KIAA2012: variants seen among roughly 807,000 people sequenced by gnomAD.
KIAA2012 encodes KIAA2012, also known as uncharacterized protein KIAA2012.
A neutral mutation model predicts 150.6 loss-of-function variants in KIAA2012; 125 were observed. The observed-to-expected ratio is 0.83, with a 90% CI of 0.72 to 0.96. The LOEUF is 0.96. KIAA2012 is among the 40% of genes least tolerant of loss of function. The probability of loss-of-function intolerance (pLI) is 0.00; values close to 1 mark genes in which losing one functional copy is unlikely to be tolerated. For missense variants in KIAA2012, 1,219 were observed against 1,354.9 expected, an observed-to-expected ratio of 0.90 and a Z score of 1.57; for synonymous variants, 462 against 504.7, an observed-to-expected ratio of 0.92 and a Z score of 1.13.
chr2:202,117,202 A>C (rs1690549590), intron 11 of KIAA2012: 1 of 152,238 alleles, frequency 6.6e-6, no homozygotes. Context: ...TTTATTTTGC[A>C]GTAATAGATA....
intron 4 of KIAA2012, among the ~76,000 whole-genome samples, chr2:202,094,139 T>C (rs951112373): frequency 6.6e-6 from 1 of 152,128 alleles, no homozygotes; most frequent in Admixed American, 6.5e-5. Flanking sequence ...AAATTTTAGC[T>C]GGGCGTGGTG....
intron 21 of KIAA2012, among the ~76,000 whole-genome samples, chr2:202,195,806 A>G (rs1410884439): frequency 6.6e-6 from 1 of 152,162 alleles, no homozygotes; most frequent in Non-Finnish European, 1.5e-5. Flanking sequence ...GGCTTATTTC[A>G]CTTAATGTAA....
intron 21 of KIAA2012, among the ~76,000 whole-genome samples, chr2:202,195,513 C>T (rs746049891): frequency 6.0e-5 from 9 of 151,230 alleles, no homozygotes; most frequent in Admixed American, 1.3e-4. Flanking sequence ...AAGAGCAAGA[C>T]TCTGTCTAAA....
intron 15 of KIAA2012, among the ~76,000 whole-genome samples, chr2:202,173,053 G>A (rs1328057457): frequency 6.6e-6 from 1 of 152,230 alleles, no homozygotes. Flanking sequence ...AGAGGAGGAA[G>A]TAGGAAGTGG....
intron 15 of KIAA2012, among the ~76,000 whole-genome samples, chr2:202,183,007 G>A (rs1187281590): frequency 6.6e-6 from 1 of 152,214 alleles, no homozygotes; most frequent in East Asian, 1.9e-4. Flanking sequence ...CCAATATGAA[G>A]TCTTGGTCTG....
At chr2:202,133,466 G>C (rs756734184) in intron 12 of KIAA2012, among the ~76,000 whole-genome samples, 2 of 152,044 alleles carry the variant, frequency 1.3e-5, no homozygotes, top group Non-Finnish European at 2.9e-5. Flanking sequence ...CTAGACCCTT[G>C]AGACTTAGCT....
intron 2 of KIAA2012, among the ~76,000 whole-genome samples, chr2:202,078,380 C>T (rs923934578): frequency 6.6e-6 from 1 of 152,206 alleles, no homozygotes; most frequent in African/African-American, 2.4e-5. Flanking sequence ...CCTCAAACTC[C>T]TGGGCTCAAG....
intron 13 of KIAA2012, among the ~76,000 whole-genome samples, chr2:202,151,500 CA>C (rs201603927): frequency 0.042 from 6,418 of 152,104 alleles, 482 homozygotes; most frequent in African/African-American, 0.15. Flanking sequence ...GGGCTGGCTC[CA>C]GCTTGTCATC....
chr2:202,098,745 AT>A (rs1284667249), intron 5 of KIAA2012, among the ~76,000 whole-genome samples: 1 of 151,804 alleles, frequency 6.6e-6, no homozygotes, highest in East Asian at 1.9e-4. Flanking sequence ...TACTGTGAGA[AT>A]TAAATGAGTT....
At chr2:202,129,221 A>G (rs907122287) in intron 12 of KIAA2012, among the ~76,000 whole-genome samples, 1 of 144,552 alleles carries the variant, frequency 6.9e-6, no homozygotes, top group Non-Finnish European at 1.5e-5. Context: ...AAGTTTCACA[A>G]TTTTTTTTTT....
chr2:202,123,324 A>G (rs1400266412), intron 11 of KIAA2012, among the ~76,000 whole-genome samples: 1 of 152,066 alleles, frequency 6.6e-6, no homozygotes, highest in African/African-American at 2.4e-5. Flanking sequence ...GAAAATTAAC[A>G]TTCATTATGC....
chr2:202,094,883 T>A (rs755479059), intron 4 of KIAA2012, among the ~76,000 whole-genome samples: 2 of 152,160 alleles, frequency 1.3e-5, no homozygotes, highest in Non-Finnish European at 2.9e-5. Flanking sequence ...ACTTTCCTAA[T>A]TGATGCCATA....
intron 14 of KIAA2012, 73 bp from the exon 15 acceptor site, chr2:202,165,211 G>A (rs1199530570): frequency 2.5e-5 from 34 of 1,386,486 alleles, no homozygotes; most frequent in Non-Finnish European, 3.4e-5. Context: ...AAAGGTCATG[G>A]GATCACAGAA....
At chr2:202,099,119 C>G (rs13416785) in intron 5 of KIAA2012, among the ~76,000 whole-genome samples, 21,461 of 151,956 alleles carry the variant, frequency 0.14, 1,583 homozygotes, top group East Asian at 0.18. Context: ...CCCTGAGTAG[C>G]TGGGACTACA....
chr2:202,119,519 C>A (rs1012960888), intron 11 of KIAA2012, among the ~76,000 whole-genome samples: 4 of 152,134 alleles, frequency 2.6e-5, no homozygotes, highest in African/African-American at 9.7e-5. Context: ...GCAAAAGAAG[C>A]ATTTAATCAG....
In KIAA2012 at chr2:202,185,847, G is replaced by A. The variant is rs185051661; in HGVS notation, c.2210+1004G>A. Among the ~76,000 whole-genome samples, 607 of 152,166 alleles carry A rather than the reference G, an allele frequency of 4.0e-3. 2 individuals are homozygous for A. Among genetic ancestry groups the A allele is most frequent in the Non-Finnish European group, 6.8e-3 (465 of 68,022 alleles). ...CACTAAATTCTAAAGGAGACTTCTC[G>A]TATAGGCTTTTATAGAGTGACATTG... On this transcript the variant is annotated intron_variant, in intron 16 of 23. Coordinates refer to ENST00000498697, the MANE Select transcript of KIAA2012 (RefSeq NM_001277372.4).
rs1689914581 is a variant in KIAA2012, at chr2:202,097,425, A to C, written c.686-10A>C. On this transcript the variant is annotated splice_polypyrimidine_tract_variant and intron_variant, in intron 4 of 23. Transcript: ENST00000498697. Reference sequence around the variant, plus strand: ...AGGGTGACAAGCTGACCCATTGTTCACCATTGCAGGTCAACAGGGCCTGGA... The same window carrying C: ...AGGGTGACAAGCTGACCCATTGTTCCCCATTGCAGGTCAACAGGGCCTGGA... 1 of 1,550,302 alleles carries C rather than the reference A, an allele frequency of 6.5e-7. No homozygotes were observed. The highest frequency in any genetic ancestry group is 8.7e-7 in the Non-Finnish European group (1 of 1,146,862).
At chr2:202,093,302 A>ATTTTACAGATTGAGGACT in intron 4 of KIAA2012, 117 bp downstream of exon 4, 1 of 1,036,180 alleles carries the variant, frequency 9.7e-7, no homozygotes, top group Non-Finnish European at 1.4e-6. Flanking sequence ...CATAGTCCTC[A>ATTTTACAGATTGAGGACT]ATCTGTAAAA....
chr2:202,073,922 C>T (rs1355813183), intron 1 of KIAA2012, among the ~76,000 whole-genome samples: 1 of 151,414 alleles, frequency 6.6e-6, no homozygotes, highest in Non-Finnish European at 1.5e-5. Flanking sequence ...CCTCATCTTT[C>T]CCCTTGTAGC....
Sources: gnomAD v4.1 joint callset for allele counts (sites outside exome capture counted in the v4.1 genomes callset) on GRCh38, gnomAD v4.1.1 for gene constraint, MANE v1.5 for transcripts, NCBI Gene and HGNC (gene_info 2026-07-23, HGNC 2026-07-21) for gene names.